The following CD3G variants were observed in gnomAD, a reference collection of about 807,000 sequenced individuals.
CD3G encodes CD3 gamma subunit of T-cell receptor complex.
A neutral mutation model predicts 28.3 loss-of-function variants in CD3G; 24 were observed. That is an observed-to-expected ratio of 0.85 (90% CI 0.61 to 1.19). CD3G has a LOEUF of 1.19. Among genes scored for constraint, CD3G ranks in the 50% most tolerant of loss-of-function variants. The probability of loss-of-function intolerance (pLI) is 0.00; values close to 1 mark genes in which losing one functional copy is unlikely to be tolerated. For synonymous variants in CD3G, 71 were observed against 75.9 expected (o/e 0.93, Z 0.34); for missense variants, 211 against 210.0 (o/e 1.00, Z -0.03).
intron 1 of CD3G, 101 bp from the exon 2 acceptor site, chr11:118,348,926 G>T: frequency 7.6e-7 from 1 of 1,324,212 alleles, no homozygotes. Context: ...CATGGATTTG[G>T]ATCTTTCTTC....
At chr11:118,349,691 G>C (rs1350837435) in intron 2 of CD3G, 52 bp from the exon 3 acceptor site, 13 of 1,348,890 alleles carry the variant, frequency 9.6e-6, no homozygotes, top group Non-Finnish European at 1.2e-5. Flanking sequence ...CAGAAGCAGG[G>C]AGAATTTCAG....
Position 118,350,736 on chromosome 11 carries a change from C to T in CD3G, c.439+53C>T. ...GGGACCACCTGAGACCCTCAGCTTTCCTCCTACCATTATGTACCCAATGGA... is the reference window on the plus strand; with the variant it reads ...GGGACCACCTGAGACCCTCAGCTTTTCTCCTACCATTATGTACCCAATGGA... On this transcript the variant is annotated intron_variant, in intron 4 of 6. Coordinates refer to ENST00000532917, the MANE Select transcript of CD3G (RefSeq NM_000073.3). The T allele has an allele frequency of 2.5e-6, 4 of 1,612,414 alleles. No individual in the cohort carries two copies. The South Asian group carries it at 4.4e-5, about 18-fold the overall frequency.
intron 3 of CD3G, among the ~76,000 whole-genome samples, chr11:118,350,349 C>T (rs1948395374): frequency 6.6e-6 from 1 of 152,126 alleles, no homozygotes; most frequent in South Asian, 2.1e-4. Context: ...AGTTAGACTA[C>T]ATGGGCTTCC....
intron 4 of CD3G, 97 bp from the exon 5 acceptor site, chr11:118,351,531 A>G (rs1948409880): frequency 8.8e-7 from 1 of 1,133,300 alleles, no homozygotes; most frequent in Admixed American, 1.7e-5. Flanking sequence ...TTGTGTATAT[A>G]TAAAACTCTT....
intron 4 of CD3G, among the ~76,000 whole-genome samples, chr11:118,351,322 A>T (rs1051019807): frequency 2.6e-5 from 4 of 152,074 alleles, no homozygotes; most frequent in African/African-American, 4.8e-5. Context: ...GAAAGACAAT[A>T]TTACCAATGC....
intron 1 of CD3G, among the ~76,000 whole-genome samples, chr11:118,345,134 C>T (rs1948343757): frequency 1.3e-5 from 2 of 151,794 alleles, no homozygotes; most frequent in South Asian, 4.1e-4. Flanking sequence ...TGAAGTCACA[C>T]AAGTACTATG....
rs532117971 is a variant in CD3G, at chr11:118,354,226, A to T, written c.*1126A>T. The T allele has an allele frequency of 6.6e-6, 1 of 152,208 alleles. No homozygotes were observed. The highest frequency in any genetic ancestry group is 2.1e-4 in the South Asian group (1 of 4,816). 9.4% of individuals were successfully genotyped at this position (152,208 alleles called of 1,614,324 possible). ...CACCTGTTCTCAGAAATTTTTAGTA[A>T]ATTTAACTAATTGTACAGCCATTAC... On this transcript the variant is annotated 3_prime_UTR_variant, in exon 7 of 7. Transcript: ENST00000532917.
chr11:118,348,895 A>T, intron 1 of CD3G, 132 bp from the exon 2 acceptor site: 1 of 1,004,840 alleles, frequency 1.0e-6, no homozygotes, highest in Non-Finnish European at 1.6e-6. Context: ...CCGGAAAACT[A>T]AGTATAGATA....
chr11:118,349,837 T>C lies in CD3G; in HGVS notation c.174T>C (p.Asp58=), dbSNP rs775372492. ...CCAAAAATATCACATGGTTTAAAGA[T>C]GGGAAGATGATCGGCTTCCTAACTG... is the stretch of plus-strand genomic sequence containing the variant. ...AEAKNITWFK[D]GKMIGFLTED... Residue 58 remains aspartate (D), a synonymous_variant, in exon 3 of 7, where the codon GAT becomes GAC. Coordinates refer to ENST00000532917, the MANE Select transcript of CD3G (RefSeq NM_000073.3). 6.2e-7 allele frequency: 1 copy of C among 1,613,918 alleles called. No individual in the cohort carries two copies. The highest frequency in any genetic ancestry group is 8.5e-7 in the Non-Finnish European group (1 of 1,179,958).
intron 4 of CD3G, chr11:118,350,904 C>CAAAA (rs978981914): frequency 2.3e-6 from 2 of 863,922 alleles, no homozygotes; most frequent in Non-Finnish European, 2.9e-6. Flanking sequence ...AAAAAAAAAA[C>CAAAA]AAAAACAGGC....
chr11:118,348,731 A>G (rs1224908957), intron 1 of CD3G, among the ~76,000 whole-genome samples: 1 of 152,166 alleles, frequency 6.6e-6, no homozygotes, highest in Non-Finnish European at 1.5e-5. Flanking sequence ...GCATAAACTC[A>G]GGTATGGTCT....
Position 118,344,366 on chromosome 11 carries a change from G to T in CD3G, c.-58G>T. On this transcript the variant is annotated 5_prime_UTR_variant, in exon 1 of 7. Transcript: ENST00000532917. ...GCCAGTCTAGCTGCTGCACAGGCTG[G>T]CTGGCTGGCTGGCTGCTAAGGGCTG... The T allele has an allele frequency of 7.0e-7, 1 of 1,438,782 alleles. No homozygotes were observed. The highest frequency in any genetic ancestry group is 9.5e-7 in the Non-Finnish European group (1 of 1,047,778). The allele number at this position is 1,438,782 out of a possible 1,614,324, so 89.1% of individuals were successfully genotyped here.
Position 118,344,456 on chromosome 11 carries a change from C to G in CD3G, c.33C>G (p.Ile11Met), listed in dbSNP as rs143990986. 200 of 1,571,206 alleles carry G rather than the reference C, an allele frequency of 1.3e-4. 2 individuals are homozygous for G. In the African/African-American group the frequency reaches 1.7e-3, roughly 13 times the overall value. ...AGGGGAAGGGCCTGGCTGTCCTCAT[C>G]CTGGCTATCATTCTTCTTCAAGGTA... MEQGKGLAVL[I>M]LAIILLQGTL... The change falls in exon 1 of 7, where the codon ATC becomes ATG. Residue 11 changes from isoleucine to methionine, a missense_variant. By Grantham distance (10) the Ile-to-Met change is conservative. Coordinates refer to ENST00000532917, the MANE Select transcript of CD3G (RefSeq NM_000073.3).
intron 1 of CD3G, among the ~76,000 whole-genome samples, chr11:118,346,818 T>A (rs1948361303): frequency 1.5e-5 from 2 of 129,810 alleles, no homozygotes; most frequent in Non-Finnish European, 3.3e-5. Context: ...AAAAAAAAGA[T>A]GTCTCAAAAA....
chr11:118,349,218 T>A, intron 2 of CD3G, 168 bp downstream of exon 2: 2 of 1,566,782 alleles, frequency 1.3e-6, no homozygotes, highest in Non-Finnish European at 1.7e-6. Context: ...CATAACCTGT[T>A]CCGGGCAGCT....
At chr11:118,350,888 TGA>T in intron 4 of CD3G, 1 of 684,478 alleles carries the variant, frequency 1.5e-6, no homozygotes, top group Non-Finnish European at 1.8e-6. Context: ...GCTCCCTCTG[TGA>T]AAAAAAAAAA....
At position 118,353,553 on chromosome 11, in the gene CD3G, G is replaced by GTT. The variant is rs1948427585; in HGVS notation, c.*453_*454insTT. 2.9e-5 allele frequency: 3 copies of GTT among 101,696 alleles called. No individual in the cohort carries two copies. Among genetic ancestry groups the GTT allele is most frequent in the South Asian group, 2.9e-4 (1 of 3,410 alleles). The allele number at this position is 101,696 out of a possible 1,614,324, so 6.3% of individuals were successfully genotyped here. On this transcript the variant is annotated 3_prime_UTR_variant, in exon 7 of 7. Coordinates refer to ENST00000532917, the MANE Select transcript of CD3G (RefSeq NM_000073.3). ...TTTTTTTTTTTTTTTTTTTTTTTGA[G>GTT]ACAGTCTGGCTCTGTCACCCAGGCT... is the stretch of plus-strand genomic sequence containing the variant.
At chr11:118,350,475 T>C (rs1591284864) in intron 3 of CD3G, 77 bp from the exon 4 acceptor site, 1 of 1,037,954 alleles carries the variant, frequency 9.6e-7, no homozygotes, top group East Asian at 2.4e-5. Context: ...GCGGCATTAT[T>C]GCAGACAGGC....
At chr11:118,347,241 T>C (rs543141823) in intron 1 of CD3G, among the ~76,000 whole-genome samples, 10 of 152,334 alleles carry the variant, frequency 6.6e-5, no homozygotes, top group African/African-American at 2.4e-4. Flanking sequence ...AGAATGACTT[T>C]CTCTATCTGG....
Sources: gnomAD v4.1 joint callset for allele counts (sites outside exome capture counted in the v4.1 genomes callset) on GRCh38, gnomAD v4.1.1 for gene constraint, MANE v1.5 for transcripts, NCBI Gene and HGNC (gene_info 2026-07-23, HGNC 2026-07-21) for gene names.